ZC3H18: variants seen among roughly 807,000 people sequenced by gnomAD.
ZC3H18 encodes zinc finger CCCH domain-containing protein 18.
A neutral mutation model predicts 106.1 loss-of-function variants in ZC3H18; 8 were observed. That is an observed-to-expected ratio of 0.08 (90% confidence interval 0.04 to 0.14). ZC3H18 has a LOEUF of 0.14. ZC3H18 is among the 10% of genes least tolerant of loss of function. The pLI is 1.00. For synonymous variants in ZC3H18, 635 were observed against 522.1 expected, an observed-to-expected ratio of 1.22 and a Z score of -2.95; for missense variants, 1,318 against 1,278.4, an observed-to-expected ratio of 1.03 and a Z score of -0.47.
At chr16:88,590,192 T>G (rs1035820967) in intron 3 of ZC3H18, among the ~76,000 whole-genome samples, 2 of 152,152 alleles carry the variant, frequency 1.3e-5, no homozygotes, top group African/African-American at 4.8e-5. Flanking sequence ...GCTCAAGCAA[T>G]CCTTCCACCT....
chr16:88,598,657 C>G lies in ZC3H18; in HGVS notation c.875C>G (p.Pro292Arg). 1.2e-6 allele frequency: 2 copies of G among 1,613,104 alleles called. No homozygotes were observed. The highest frequency in any genetic ancestry group is 2.2e-5 in the East Asian group (1 of 44,864). Residue 292 changes from proline (P) to arginine (R), a missense_variant, in exon 5 of 18, where the codon CCT becomes CGT. Transcript: ENST00000301011. The stretch of plus-strand genomic sequence containing the variant: ...GTTGATGAAATTTTGCCTCCACCCC[C>G]TCCAGAGCCCCCAACAGAGAGTGCC... ...PVVDEILPPP[P>R]PEPPTESAWE... is the part of the protein sequence containing the mutation.
chr16:88,618,083 C>T (rs1334964968), intron 8 of ZC3H18, among the ~76,000 whole-genome samples: 1 of 152,260 alleles, frequency 6.6e-6, no homozygotes, highest in African/African-American at 2.4e-5. Flanking sequence ...TTTGTATCTG[C>T]TCTGCGCTGA....
intron 1 of ZC3H18, among the ~76,000 whole-genome samples, chr16:88,575,770 T>A (rs58814925): frequency 6.6e-6 from 1 of 151,708 alleles, no homozygotes; most frequent in African/African-American, 2.4e-5. Context: ...CTGAAGCACA[T>A]TGATGCAGTC....
chr16:88,586,601 A>G lies in ZC3H18; in HGVS notation c.605A>G (p.Asp202Gly), dbSNP rs2142584269. 2 of 1,614,072 alleles carry G rather than the reference A, an allele frequency of 1.2e-6. No individual in the cohort carries two copies. Among genetic ancestry groups the G allele is most frequent in the Admixed American group, 1.7e-5 (1 of 60,024 alleles). ...DGEIDDGEIDDDDLEEGEVKD... is the reference protein window; with the variant it reads ...DGEIDDGEIDGDDLEEGEVKD... The stretch of plus-strand genomic sequence containing the variant: ...CTAAGACGGTGTTCTCTGTTTCAGG[A>G]TGATGACCTGGAAGAAGGTGAAGTG... Residue 202 changes from aspartate to glycine, a missense_variant and splice_region_variant, in exon 3 of 18, where the codon GAT becomes GGT. Asp to Gly is a moderately conservative substitution (Grantham distance 94, BLOSUM62 -1). Around this residue, in one of 6 missense-constraint regions of ZC3H18, gnomAD observed 346 missense variants for 269.0 expected, o/e 1.29. Transcript: ENST00000301011.
At chr16:88,615,332 C>G (rs1437275581) in intron 8 of ZC3H18, among the ~76,000 whole-genome samples, 1 of 152,206 alleles carries the variant, frequency 6.6e-6, no homozygotes, top group Non-Finnish European at 1.5e-5. Flanking sequence ...GCTTGCCAGC[C>G]TGCTTTCTTG....
intron 3 of ZC3H18, among the ~76,000 whole-genome samples, chr16:88,589,859 T>C (rs1406016083): frequency 6.6e-6 from 1 of 152,268 alleles, no homozygotes; most frequent in Non-Finnish European, 1.5e-5. Flanking sequence ...TGATGGAATG[T>C]TCTAGAACTA....
rs1354841191 is a variant in ZC3H18, at chr16:88,608,938, G to A, written c.1093G>A (p.Glu365Lys). Residue 365 changes from glutamate to lysine, a missense_variant, in exon 7 of 18, where the codon GAG becomes AAG. Coordinates refer to ENST00000301011, the MANE Select transcript of ZC3H18 (RefSeq NM_144604.4). ...IPRDVRDTVL[E>K]PYADPYYDYE... ...TTTTTCATTGGCCCTTTTCAGACTCGAGCCTTACGCAGACCCTTATTATGA... is the reference window on the plus strand; with the variant it reads ...TTTTTCATTGGCCCTTTTCAGACTCAAGCCTTACGCAGACCCTTATTATGA... The A allele has an allele frequency of 3.1e-6, 5 of 1,609,946 alleles. No homozygotes were observed. Among genetic ancestry groups the A allele is most frequent in the East Asian group, 2.2e-5 (1 of 44,826 alleles).
Position 88,631,221 on chromosome 16 carries a change from G to A in ZC3H18, c.2784G>A (p.Arg928=). Residue 928 remains arginine, a synonymous_variant, in exon 18 of 18, where the codon CGG becomes CGA. Transcript: ENST00000301011. ...GGAAGGCCAGCACGCTGTCTCGGCG[G>A]GAGGAGCTGCTGAAACAGCTGAAGG... The part of the protein sequence containing the change: ...KSGKASTLSR[R]EELLKQLKAV... 2 of 1,613,552 alleles carry A rather than the reference G, an allele frequency of 1.2e-6. No individual in the cohort carries two copies. The highest frequency in any genetic ancestry group is 1.1e-5 in the South Asian group (1 of 91,066).
intron 2 of ZC3H18, among the ~76,000 whole-genome samples, chr16:88,583,323 C>G (rs185562753): frequency 1.4e-3 from 210 of 152,358 alleles, no homozygotes; most frequent in Non-Finnish European, 2.7e-3. Context: ...TAGCACGTTA[C>G]CAGTGAGGCG....
chr16:88,583,152 C>T (rs1408125440), intron 2 of ZC3H18, among the ~76,000 whole-genome samples: 1 of 152,252 alleles, frequency 6.6e-6, no homozygotes, highest in African/African-American at 2.4e-5. Flanking sequence ...TCCTTATCTG[C>T]ATCTGCCTTT....
intron 11 of ZC3H18, 182 bp from the exon 12 acceptor site, chr16:88,624,420 G>C: frequency 1.0e-6 from 1 of 986,762 alleles, no homozygotes; most frequent in Non-Finnish European, 1.5e-6. Flanking sequence ...TGGGGGCTTT[G>C]AAGCCGTTCC....
intron 8 of ZC3H18, 22 bp from the exon 9 acceptor site, chr16:88,622,175 G>A: frequency 6.2e-7 from 1 of 1,601,442 alleles, no homozygotes; most frequent in South Asian, 1.1e-5. Context: ...CCTGAGAGTT[G>A]CTAATGCCTC....
chr16:88,614,002 G>T (rs1326625996), intron 8 of ZC3H18, among the ~76,000 whole-genome samples: 1 of 152,204 alleles, frequency 6.6e-6, no homozygotes, highest in South Asian at 2.1e-4. Context: ...CACCGTCCCC[G>T]TGGGGGTGAA....
Position 88,585,804 on chromosome 16 carries a change from G to A in ZC3H18, c.604-796G>A, listed in dbSNP as rs541158899. Reference sequence around the variant, plus strand: ...CAGGAGATGGGGAGGGGGATCAAGAGGGGCCACATGGGACCGGTGAGATTG... The same window carrying A: ...CAGGAGATGGGGAGGGGGATCAAGAAGGGCCACATGGGACCGGTGAGATTG... On this transcript the variant is annotated intron_variant, in intron 2 of 17. Transcript: ENST00000301011. Among the ~76,000 whole-genome samples the A allele has an allele frequency of 2.0e-5, 3 of 152,218 alleles. No individual in the cohort carries two copies. The South Asian group carries it at 6.2e-4, about 32-fold the overall frequency.
chr16:88,602,204 T>C (rs1904784429), intron 6 of ZC3H18, among the ~76,000 whole-genome samples: 4 of 152,146 alleles, frequency 2.6e-5, no homozygotes, highest in African/African-American at 9.7e-5. Flanking sequence ...GGTCGCAGCT[T>C]GTAGGGTGTG....
intron 2 of ZC3H18, among the ~76,000 whole-genome samples, chr16:88,586,292 AGT>A (rs1915425901): frequency 6.6e-6 from 1 of 152,188 alleles, no homozygotes. Context: ...AAAACCCCGA[AGT>A]GTTACTATTT....
chr16:88,605,778 C>T (rs941740596), intron 6 of ZC3H18, among the ~76,000 whole-genome samples: 2 of 152,226 alleles, frequency 1.3e-5, no homozygotes, highest in Non-Finnish European at 1.5e-5. Flanking sequence ...CTGTCTTACA[C>T]GTTCTCTAAT....
intron 8 of ZC3H18, among the ~76,000 whole-genome samples, chr16:88,612,909 G>A (rs1905353653): frequency 6.6e-6 from 1 of 152,072 alleles, no homozygotes; most frequent in Non-Finnish European, 1.5e-5. Context: ...AGGCTAATAC[G>A]GGAGGATCAC....
chr16:88,605,036 G>C (rs1235870018), intron 6 of ZC3H18, among the ~76,000 whole-genome samples: 1 of 152,222 alleles, frequency 6.6e-6, no homozygotes, highest in Non-Finnish European at 1.5e-5. Flanking sequence ...AGAGGAAACA[G>C]AACAGTAATT....
Sources: allele counts gnomAD v4.1 joint callset (sites outside exome capture counted in the v4.1 genomes callset), GRCh38; gene constraint gnomAD v4.1.1; regional missense constraint gnomAD v4.1.1; transcripts MANE v1.5; gene names NCBI Gene and HGNC (gene_info 2026-07-23, HGNC 2026-07-21).